The following XPC variants were observed in gnomAD, a reference collection of about 807,000 sequenced individuals.
XPC encodes DNA repair protein complementing XP-C cells.
Under a neutral mutation model 95.8 loss-of-function variants are expected in XPC, and 76 were observed. The observed-to-expected ratio is 0.79, with a 90% CI of 0.66 to 0.96. The LOEUF (loss-of-function observed/expected upper bound fraction) is 0.96. Ranked by LOEUF, XPC falls within the 40% of genes least tolerant of loss-of-function variation. XPC has a pLI of 0.00. For missense variants in XPC, 1,146 were observed against 1,179.8 expected (o/e 0.97, Z 0.42); for synonymous variants, 442 against 442.1 (o/e 1.00, Z 0.00).
intron 3 of XPC, among the ~76,000 whole-genome samples, 159 bp downstream of exon 3, chr3:14,170,279 C>T (rs1481106915): frequency 6.6e-6 from 1 of 152,104 alleles, no homozygotes; most frequent in African/African-American, 2.4e-5. Context: ...ATGAGTTTTT[C>T]CATATATATC....
chr3:14,165,594 A>G lies in XPC; in HGVS notation c.622-9T>C. On this transcript the variant is annotated splice_polypyrimidine_tract_variant and intron_variant, in intron 5 of 15. Coordinates refer to ENST00000285021, the MANE Select transcript of XPC (RefSeq NM_004628.5). ...AGGCAGAGAAGGTGAACCTGTGAAG[A>G]GGAAAGGAGGAAGGGGCAGCATGGA... 4 of 1,613,074 alleles carry G rather than the reference A, an allele frequency of 2.5e-6. No individual in the cohort carries two copies. The highest frequency in any genetic ancestry group is 2.5e-6 in the Non-Finnish European group (3 of 1,179,554).
At position 14,164,827 on chromosome 3, in the gene XPC, C is replaced by T; in HGVS notation, c.886G>A (p.Glu296Lys). 2 of 1,613,304 alleles carry T rather than the reference C, an allele frequency of 1.2e-6. No individual in the cohort carries two copies. Among genetic ancestry groups the T allele is most frequent in the Non-Finnish European group, 1.7e-6 (2 of 1,179,624 alleles). Residue 296 changes from glutamate to lysine, a missense_variant, in exon 7 of 16, where the codon GAG (glutamate) becomes AAG (lysine). Transcript: ENST00000285021. ...RFAIYSARDD[E>K]ELVHIFLLIL... ...GGATCACTTACATGGACCAATTCCT[C>T]ATCATCTCGAGCAGAGTAAATAGCA...
intron 10 of XPC, among the ~76,000 whole-genome samples, chr3:14,155,809 C>G (rs1222039652): frequency 6.6e-6 from 1 of 152,184 alleles, no homozygotes; most frequent in East Asian, 1.9e-4. Context: ...CCGCCCGCCT[C>G]GGCCTCCCAA....
chr3:14,176,876 G>A (rs1181842918), intron 1 of XPC, among the ~76,000 whole-genome samples: 1 of 152,210 alleles, frequency 6.6e-6, no homozygotes, highest in African/African-American at 2.4e-5. Flanking sequence ...CGAGGCAAAC[G>A]GATCACCTGA....
intron 1 of XPC, among the ~76,000 whole-genome samples, chr3:14,174,714 G>C (rs1696744875): frequency 6.6e-6 from 1 of 152,102 alleles, no homozygotes; most frequent in South Asian, 2.1e-4. Flanking sequence ...AAAGAAAAAC[G>C]ATATATGATG....
At chr3:14,157,008 C>A (rs1213319493) in intron 9 of XPC, among the ~76,000 whole-genome samples, 1 of 152,168 alleles carries the variant, frequency 6.6e-6, no homozygotes, top group Admixed American at 6.5e-5. Context: ...CTGTAAGTCA[C>A]CCTGTTCACT....
At chr3:14,167,354 T>C in intron 4 of XPC, 101 bp from the exon 5 acceptor site, 1 of 1,017,216 alleles carries the variant, frequency 9.8e-7, no homozygotes, top group Non-Finnish European at 1.4e-6. Context: ...TGAATCACTC[T>C]CCCTGTTTCC....
At chr3:14,165,047 C>T (rs776273597) in intron 6 of XPC, 114 bp from the exon 7 acceptor site, 449 of 1,427,582 alleles carry the variant, frequency 3.1e-4, no homozygotes, top group Non-Finnish European at 3.8e-4. Flanking sequence ...TGCCTCTGTC[C>T]TACTTTCCCC....
In XPC at chr3:14,158,629, A is replaced by G. The variant is rs760143180; in HGVS notation, c.1254T>C (p.His418=). The change falls in exon 9 of 16, where the codon CAT becomes CAC. Residue 418 remains histidine, a synonymous_variant. Transcript: ENST00000285021. The surrounding 1 kb of genome is among the most constrained non-coding windows in gnomAD (Gnocchi z 5.2). ...TGGAGGCCACCCGCCGCTCCCGGCC[A>G]TGCGGACGTCGCTGGGTTGCCTTCT... The part of the protein sequence containing the change: ...KQEKATQRRP[H]GRERRVASRV... 4 of 1,613,844 alleles carry G rather than the reference A, an allele frequency of 2.5e-6. No individual in the cohort carries two copies. The South Asian group carries it at 4.4e-5, about 18-fold the overall frequency.
chr3:14,148,114 G>A (rs1299050417), intron 13 of XPC, 113 bp from the exon 14 acceptor site: 6 of 884,800 alleles, frequency 6.8e-6, no homozygotes, highest in Non-Finnish European at 1.0e-5. Context: ...GGGTCCTGAA[G>A]GATGTCGCGG....
intron 10 of XPC, among the ~76,000 whole-genome samples, chr3:14,155,004 C>T (rs1035178742): frequency 6.6e-6 from 1 of 152,194 alleles, no homozygotes; most frequent in African/African-American, 2.4e-5. Flanking sequence ...CCCGACTACC[C>T]GTACATACCC....
At chr3:14,153,532 G>C (rs771930479) in intron 10 of XPC, 156 of 157,016 alleles carry the variant, frequency 9.9e-4, no homozygotes, top group Non-Finnish European at 1.8e-3. Flanking sequence ...GGGAGGCTCA[G>C]CTAAGCTATG....
intron 9 of XPC, 23 bp from the exon 10 acceptor site, chr3:14,156,518 G>A (rs759289363): frequency 9.3e-6 from 15 of 1,613,514 alleles, no homozygotes; most frequent in South Asian, 3.3e-5. Context: ...GACAGACAAG[G>A]TTGAGCATGT....
chr3:14,158,869 TC>T lies in XPC; in HGVS notation c.1013del (p.Arg338AsnfsTer2). On this transcript the variant is annotated frameshift_variant, in exon 9 of 16. Transcript: ENST00000285021. LOFTEE classifies it high-confidence loss of function. This position sits in a 1 kb window ranked among gnomAD's most constrained non-coding sequence, Gnocchi z 5.2. ...TAKGKKPSKE[R>X]LTADPGGSSE... Reference sequence around the variant, plus strand: ...AGGAGCCTCCTGGATCCGCAGTCAATCTTTCCTTGGAAGGTTTCTTTCCCTT... The same window carrying T: ...AGGAGCCTCCTGGATCCGCAGTCAATTTTCCTTGGAAGGTTTCTTTCCCTT... The T allele has an allele frequency of 6.2e-7, 1 of 1,613,996 alleles. No homozygotes were observed. Among genetic ancestry groups the T allele is most frequent in the Non-Finnish European group, 8.5e-7 (1 of 1,179,888 alleles).
intron 14 of XPC, chr3:14,147,686 G>A: frequency 1.7e-6 from 1 of 599,002 alleles, no homozygotes; most frequent in Non-Finnish European, 2.9e-6. Flanking sequence ...AGGGGCAGTA[G>A]ACCCCAGAGC....
Position 14,167,160 on chromosome 3 carries a change from T to C in XPC, c.621+9A>G, listed in dbSNP as rs1001216137. 6.3e-7 allele frequency: 1 copy of C among 1,578,900 alleles called. No individual in the cohort carries two copies. The highest frequency in any genetic ancestry group is 8.6e-7 in the Non-Finnish European group (1 of 1,160,068). ...GGAAAAGTCCTTCCCCATCATTCCT[T>C]GCCCTTACCTTGTGTGTGTCCTCAT... On this transcript the variant is annotated intron_variant, in intron 5 of 15. Transcript: ENST00000285021.
chr3:14,153,850 AGAGCAGCGCTT>A (rs1170770052), intron 10 of XPC, among the ~76,000 whole-genome samples: 1 of 152,216 alleles, frequency 6.6e-6, no homozygotes, highest in Non-Finnish European at 1.5e-5. Flanking sequence ...CCTGTGTGCC[AGAGCAGCGCTT>A]CTGCCAGTAG....
At chr3:14,152,592 A>ACTGC in intron 10 of XPC, 176 bp from the exon 11 acceptor site, 3 of 559,944 alleles carry the variant, frequency 5.4e-6, no homozygotes, top group Non-Finnish European at 9.2e-6. Flanking sequence ...TTGAACGTGG[A>ACTGC]CTGCCTGTCT....
At chr3:14,172,548 G>C (rs1241401765) in intron 2 of XPC, among the ~76,000 whole-genome samples, 1 of 152,214 alleles carries the variant, frequency 6.6e-6, no homozygotes, top group African/African-American at 2.4e-5. Flanking sequence ...GATAAAGCTG[G>C]AATGGCAGGT....
Sources: allele counts gnomAD v4.1 joint callset (sites outside exome capture counted in the v4.1 genomes callset), GRCh38; gene constraint gnomAD v4.1.1; non-coding constraint Gnocchi (gnomAD v3.1); transcripts MANE v1.5; gene names NCBI Gene and HGNC (gene_info 2026-07-23, HGNC 2026-07-21).